Variants in DMD observed in about 807,000 individuals in gnomAD.
DMD encodes the protein dystrophin, also known as mutant dystrophin.
DMD carries 63 observed loss-of-function variants against 330.1 expected under a neutral mutation model. The ratio of observed to expected loss-of-function variants is 0.19; its 90% CI spans 0.16 to 0.24. The LOEUF is 0.24. Among genes scored for constraint, DMD ranks in the 10% least tolerant of loss-of-function variants. DMD has a pLI of 1.00. For missense variants in DMD, 3,344 were observed against 2,684.1 expected, an observed-to-expected ratio of 1.25 and a Z score of -5.43; for synonymous variants, 1,223 against 959.8, an observed-to-expected ratio of 1.27 and a Z score of -5.07.
At chrX:31,237,513 A>G in intron 63 of DMD, among the ~76,000 whole-genome samples, 1 of 111,907 alleles carries the variant, frequency 8.9e-6, no homozygotes, top group Non-Finnish European at 1.9e-5. Context: ...TTCCTTAAAC[A>G]AAATTACTTA....
At chrX:32,984,036 C>G (rs897243460) in intron 2 of DMD, among the ~76,000 whole-genome samples, 1 of 111,307 alleles carries the variant, frequency 9.0e-6, no homozygotes, top group Non-Finnish European at 1.9e-5. Context: ...TTTTTTTAAA[C>G]TGGAAGCATT....
At chrX:32,728,014 G>A (rs946710165) in intron 7 of DMD, among the ~76,000 whole-genome samples, 1 of 110,975 alleles carries the variant, frequency 9.0e-6, no homozygotes. Context: ...ATATTTTTTA[G>A]GCAAGGCCTC....
intron 21 of DMD, among the ~76,000 whole-genome samples, chrX:32,472,888 G>A (rs1256023714): frequency 1.8e-5 from 2 of 110,924 alleles, no homozygotes; most frequent in African/African-American, 6.6e-5. Context: ...TAATAAACCT[G>A]TGAGACATAT....
chrX:31,749,447 T>C (rs1477150808), intron 51 of DMD, among the ~76,000 whole-genome samples: 5 of 104,274 alleles, frequency 4.8e-5, no homozygotes, highest in African/African-American at 3.5e-5. Flanking sequence ...TCCAATTTCA[T>C]CCATGTCCCT....
intron 21 of DMD, among the ~76,000 whole-genome samples, chrX:32,480,499 A>C (rs1343782421): frequency 9.0e-6 from 1 of 111,032 alleles, no homozygotes; most frequent in Non-Finnish European, 1.9e-5. Flanking sequence ...CTACGTGTTT[A>C]TATACACAGA....
At chrX:32,693,157 A>G (rs1034959612) in intron 9 of DMD, among the ~76,000 whole-genome samples, 2 of 111,803 alleles carry the variant, frequency 1.8e-5, no homozygotes, top group Admixed American at 9.5e-5. Context: ...GCAATGAGCC[A>G]GTGAATGTGG....
intron 7 of DMD, among the ~76,000 whole-genome samples, chrX:32,708,975 G>T (rs765043774): frequency 4.5e-5 from 5 of 111,941 alleles, no homozygotes; most frequent in Non-Finnish European, 9.4e-5. Flanking sequence ...ACCAGTGGAC[G>T]AACATCACGC....
intron 43 of DMD, among the ~76,000 whole-genome samples, chrX:32,258,364 C>T (rs764434877): frequency 9.0e-5 from 10 of 111,657 alleles, no homozygotes; most frequent in Non-Finnish European, 1.9e-4. Context: ...CACATGCACA[C>T]GTATGTTTAT....
At chrX:31,202,556 C>A (rs1180316102) in intron 67 of DMD, among the ~76,000 whole-genome samples, 1 of 111,828 alleles carries the variant, frequency 8.9e-6, no homozygotes, top group Non-Finnish European at 1.9e-5. Flanking sequence ...TAAATAAATA[C>A]TCAAACTGCT....
intron 49 of DMD, among the ~76,000 whole-genome samples, chrX:31,825,991 C>T (rs990919781): frequency 2.7e-4 from 30 of 111,598 alleles, no homozygotes; most frequent in African/African-American, 8.8e-4. Context: ...ATATTATGCG[C>T]TGCTCAATGA....
At chrX:32,919,183 T>C (rs1248027021) in intron 2 of DMD, among the ~76,000 whole-genome samples, 11 of 111,968 alleles carry the variant, frequency 9.8e-5, no homozygotes, top group Non-Finnish European at 1.7e-4. Flanking sequence ...GATGACTAAG[T>C]CTGAGAGCAG....
rs746035490 is a variant in DMD at position 32,407,566 on chromosome X, G to C, written c.4233+4186C>G. ...CAACCATTGTGGAAGTCACTGTGGC[G>C]ATTCCTCAGGGATCTAGAACTAGAA... is the stretch of plus-strand genomic sequence containing the variant. On this transcript the variant is annotated intron_variant, in intron 30 of 78. Transcript: ENST00000357033. Among the ~76,000 whole-genome samples the C allele has an allele frequency of 4.5e-5, 5 of 110,964 alleles. No individual in the cohort carries two copies. The East Asian group carries it at 1.4e-3, about 32-fold the overall frequency.
At chrX:33,084,989 G>T (rs1216331029) in intron 1 of DMD, among the ~76,000 whole-genome samples, 1 of 110,474 alleles carries the variant, frequency 9.1e-6, no homozygotes, top group Non-Finnish European at 1.9e-5. Flanking sequence ...GACTGCAATG[G>T]GGTGGGGGTG....
At chrX:32,373,295 G>A (rs1417071395) in intron 34 of DMD, among the ~76,000 whole-genome samples, 4 of 108,939 alleles carry the variant, frequency 3.7e-5, no homozygotes, top group African/African-American at 1.3e-4. Context: ...TCCCAGAAAT[G>A]TCAAACCTCT....
chrX:32,388,179 G>A (rs2097972891), intron 32 of DMD, among the ~76,000 whole-genome samples: 1 of 110,974 alleles, frequency 9.0e-6, no homozygotes, highest in Non-Finnish European at 1.9e-5. Context: ...CTGACGCAGG[G>A]CACAGTCACA....
intron 2 of DMD, among the ~76,000 whole-genome samples, chrX:32,995,683 T>C (rs1439340869): frequency 8.9e-6 from 1 of 112,395 alleles, no homozygotes; most frequent in East Asian, 2.8e-4. Flanking sequence ...GTATGGTAGT[T>C]ACAACATTGG....
Position 31,875,032 on chromosome X carries a change from C to G in DMD, c.7098+156G>C, listed in dbSNP as rs5972454. ...TCCTGTAATACTCCATTGCAGTGGT[C>G]CCTGTGCCTATTGTGGTTATCCTGA... On this transcript the variant is annotated intron_variant, in intron 48 of 78. Transcript: ENST00000357033. Among the ~76,000 whole-genome samples the G allele has an allele frequency of 0.31, 33,876 of 110,654 alleles. 3,947 individuals carry two copies. Among genetic ancestry groups the G allele is most frequent in the Non-Finnish European group, 0.34 (17,759 of 52,779 alleles).
At chrX:31,461,535 A>G (rs1352841108) in intron 59 of DMD, among the ~76,000 whole-genome samples, 2 of 111,801 alleles carry the variant, frequency 1.8e-5, no homozygotes, top group Non-Finnish European at 3.8e-5. Flanking sequence ...TACAGATTCC[A>G]TAACTATAAA....
At chrX:33,158,513 T>C (rs2048614955) in intron 1 of DMD, among the ~76,000 whole-genome samples, 1 of 111,638 alleles carries the variant, frequency 9.0e-6, no homozygotes, top group Non-Finnish European at 1.9e-5. Context: ...ACCTCCCCTC[T>C]GACCCACCAC....
Sources: gnomAD v4.1 joint callset for allele counts (sites outside exome capture counted in the v4.1 genomes callset) on GRCh38, gnomAD v4.1.1 for gene constraint, MANE v1.5 for transcripts, NCBI Gene and HGNC (gene_info 2026-07-23, HGNC 2026-07-21) for gene names.